CDC14A: variants seen among roughly 807,000 people sequenced by gnomAD.
The protein encoded by CDC14A is cell division cycle 14A, also known as dual specificity protein phosphatase CDC14A.
Under a neutral mutation model 74.4 loss-of-function variants are expected in CDC14A, and 53 were observed. That is an observed-to-expected ratio of 0.71 (90% confidence interval 0.57 to 0.89). The LOEUF is 0.89. Among genes scored for constraint, CDC14A ranks in the 40% least tolerant of loss-of-function variants. CDC14A has a pLI of 0.00. For synonymous variants in CDC14A, 247 were observed against 258.4 expected, an observed-to-expected ratio of 0.96 and a Z score of 0.43; for missense variants, 646 against 713.7, an observed-to-expected ratio of 0.91 and a Z score of 1.08.
Position 100,360,113 on chromosome 1 carries a change from T to A in CDC14A, c.140+6261T>A, listed in dbSNP as rs868067515. Among the ~76,000 whole-genome samples, 600 of 149,600 alleles carry A rather than the reference T, an allele frequency of 4.0e-3. 1 individual carries two copies. The highest frequency in any genetic ancestry group is 0.014 in the African/African-American group (570 of 40,912). On this transcript the variant is annotated intron_variant, in intron 2 of 15. Transcript: ENST00000336454. ...GCGCACCACCACACCCAGCTATTTT[T>A]TTTTTTTTTTTTTGTATTTTTAGTA...
chr1:100,431,295 T>C (rs1313595195), intron 5 of CDC14A, among the ~76,000 whole-genome samples: 1 of 151,910 alleles, frequency 6.6e-6, no homozygotes, highest in South Asian at 2.1e-4. Context: ...TCGCTCAGAC[T>C]ACTTTTTTTT....
At chr1:100,488,697 C>T (rs1411202150) in intron 11 of CDC14A, among the ~76,000 whole-genome samples, 2 of 152,156 alleles carry the variant, frequency 1.3e-5, no homozygotes, top group Non-Finnish European at 2.9e-5. Flanking sequence ...TACAAATTGA[C>T]AATCAAGTAG....
chr1:100,391,835 G>C (rs761625138), intron 4 of CDC14A, among the ~76,000 whole-genome samples: 177 of 152,162 alleles, frequency 1.2e-3, no homozygotes, highest in Non-Finnish European at 2.0e-3. Flanking sequence ...GCCAGGCTGT[G>C]GGCTGGGGCC....
upstream of CDC14A, among the ~76,000 whole-genome samples, chr1:100,351,544 C>A (rs1005544664): frequency 6.6e-6 from 1 of 152,232 alleles, no homozygotes; most frequent in Non-Finnish European, 1.5e-5. Context: ...GCCTGGAGCG[C>A]TTCAGCTGAG....
chr1:100,421,412 T>C (rs1488902143), intron 4 of CDC14A, among the ~76,000 whole-genome samples: 1 of 152,192 alleles, frequency 6.6e-6, no homozygotes, highest in Non-Finnish European at 1.5e-5. Flanking sequence ...GAGTACACAT[T>C]TGACATTGCA....
chr1:100,351,157 G>C (rs1470556272), upstream of CDC14A, among the ~76,000 whole-genome samples: 1 of 151,900 alleles, frequency 6.6e-6, no homozygotes, highest in Non-Finnish European at 1.5e-5. Context: ...TTGAGCCACC[G>C]CACTCCGGCC....
chr1:100,466,997 A>G (rs1313560470), intron 9 of CDC14A, among the ~76,000 whole-genome samples: 1 of 152,072 alleles, frequency 6.6e-6, no homozygotes, highest in Admixed American at 6.5e-5. Flanking sequence ...TTACATAAAC[A>G]GATATGCAGT....
chr1:100,351,219 A>C (rs1276414390), upstream of CDC14A, among the ~76,000 whole-genome samples: 2 of 151,754 alleles, frequency 1.3e-5, no homozygotes, highest in African/African-American at 4.8e-5. Flanking sequence ...TAAAAAAAAA[A>C]AAACCACAAA....
rs1664752030 is a variant in CDC14A, at chr1:100,440,011, C to A, written c.456+13C>A. 1 of 1,594,438 alleles carries A rather than the reference C, an allele frequency of 6.3e-7. No individual in the cohort carries two copies. Among genetic ancestry groups the A allele is most frequent in the African/African-American group, 1.3e-5 (1 of 74,452 alleles). ...GGGAATCAGAAAGGTAATAACAATT[C>A]TCCTTGCTGTAGTTGACACAGTAGT... On this transcript the variant is annotated intron_variant, in intron 6 of 15. Transcript: ENST00000336454.
In CDC14A at chr1:100,366,058, A is replaced by G. The variant is rs151082698; in HGVS notation, c.141-11488A>G. Among the ~76,000 whole-genome samples the G allele has an allele frequency of 2.6e-3, 390 of 152,238 alleles. 3 individuals carry two copies. Among genetic ancestry groups the G allele is most frequent in the African/African-American group, 8.7e-3 (360 of 41,506 alleles). ...ATGTCTTTACCTGTCTTCTCAGTAG[A>G]TAGTGAGCTCCTTGTGGGTAGGGAC... On this transcript the variant is annotated intron_variant, in intron 2 of 15. Transcript: ENST00000336454.
At chr1:100,393,726 CG>C (rs1420549462) in intron 4 of CDC14A, 1 of 367,580 alleles carries the variant, frequency 2.7e-6, no homozygotes, top group East Asian at 7.0e-5. Context: ...GAGGCTGAGG[CG>C]GGCGGATCAC....
In CDC14A at chr1:100,353,766, G is replaced by A. The variant is rs1416424735; in HGVS notation, c.54G>A (p.Arg18=). ...LIGACEFMKD[R]LYFATLRNRP... ...TCTTTTAAACTTGTCTTTCAGATCG[G>A]TTATATTTTGCTACTTTAAGGAATA... The change falls in exon 2 of 16, where the codon CGG becomes CGA. Residue 18 remains arginine (R), a synonymous_variant. Coordinates refer to ENST00000336454, the MANE Select transcript of CDC14A (RefSeq NM_003672.4). 3 of 1,561,406 alleles carry A rather than the reference G, an allele frequency of 1.9e-6. No individual in the cohort carries two copies. Among genetic ancestry groups the A allele is most frequent in the Non-Finnish European group, 2.6e-6 (3 of 1,136,372 alleles).
chr1:100,382,096 G>T (rs1656188886), intron 3 of CDC14A, among the ~76,000 whole-genome samples: 7 of 151,604 alleles, frequency 4.6e-5, no homozygotes, highest in Admixed American at 4.6e-4. Flanking sequence ...TTCTCAGAGG[G>T]ATCCTTGACA....
At chr1:100,424,405 G>C in intron 5 of CDC14A, 104 bp downstream of exon 5, 1 of 782,146 alleles carries the variant, frequency 1.3e-6, no homozygotes, top group Non-Finnish European at 2.3e-6. Context: ...TAACCATTAT[G>C]TTATATGGAA....
intron 7 of CDC14A, among the ~76,000 whole-genome samples, chr1:100,451,072 C>T (rs962242501): frequency 1.3e-5 from 2 of 152,200 alleles, no homozygotes; most frequent in African/African-American, 4.8e-5. Context: ...CCTTTGCCCA[C>T]CCTGATTTGC....
intron 4 of CDC14A, among the ~76,000 whole-genome samples, chr1:100,397,924 A>G (rs1571064084): frequency 1.3e-5 from 2 of 152,330 alleles, no homozygotes; most frequent in East Asian, 3.9e-4. Context: ...CTTAAGACCT[A>G]AGTAGTTATA....
At chr1:100,510,169 G>T (rs1485218395) in intron 15 of CDC14A, among the ~76,000 whole-genome samples, 1 of 152,130 alleles carries the variant, frequency 6.6e-6, no homozygotes, top group Non-Finnish European at 1.5e-5. Flanking sequence ...CTTTTTAGCT[G>T]CCTGGGCACT....
chr1:100,421,766 A>G (rs138552926), intron 4 of CDC14A, among the ~76,000 whole-genome samples: 61 of 152,328 alleles, frequency 4.0e-4, no homozygotes, highest in African/African-American at 1.4e-3. Flanking sequence ...CTAGAGCAAC[A>G]ACGCGAGTTT....
intron 2 of CDC14A, among the ~76,000 whole-genome samples, chr1:100,366,870 TAG>T (rs1190396834): frequency 6.6e-6 from 1 of 152,234 alleles, no homozygotes; most frequent in Non-Finnish European, 1.5e-5. Flanking sequence ...CCAATCTTCT[TAG>T]AAGAAATCTG....
Sources: allele counts gnomAD v4.1 joint callset (sites outside exome capture counted in the v4.1 genomes callset), GRCh38; gene constraint gnomAD v4.1.1; transcripts MANE v1.5; gene names NCBI Gene and HGNC (gene_info 2026-07-23, HGNC 2026-07-21).